Variants in CCDC90B observed in about 807,000 individuals in gnomAD.
CCDC90B encodes the protein coiled-coil domain containing 90B.
Under a neutral mutation model 37.0 loss-of-function variants are expected in CCDC90B, and 24 were observed. That is an observed-to-expected ratio of 0.65 (90% CI 0.47 to 0.91). The LOEUF is 0.91. Ranked by LOEUF, CCDC90B falls within the 40% of genes least tolerant of loss-of-function variation. CCDC90B has a pLI of 0.00. For synonymous variants in CCDC90B, 113 were observed against 101.1 expected (o/e 1.12, Z -0.71); for missense variants, 319 against 299.0 (o/e 1.07, Z -0.49).
rs1436875379 is a variant in CCDC90B at position 83,278,439 on chromosome 11, TTG to T, written c.324+285_324+286del. On this transcript the variant is annotated intron_variant, in intron 3 of 8. Coordinates refer to ENST00000529689, the MANE Select transcript of CCDC90B (RefSeq NM_021825.5). ...TGGTGAGCTTTCTAGAGGGAAAAAGTTGTTTCACAAACAATCTACCACCACTC... is the reference window on the plus strand; with the variant it reads ...TGGTGAGCTTTCTAGAGGGAAAAAGTTTTCACAAACAATCTACCACCACTC... Among the ~76,000 whole-genome samples, 11 of 152,328 alleles carry T rather than the reference TTG, an allele frequency of 7.2e-5. No homozygotes were observed. The East Asian group carries it at 2.1e-3, about 29-fold the overall frequency.
intron 8 of CCDC90B, among the ~76,000 whole-genome samples, chr11:83,263,500 G>A (rs1864054869): frequency 6.6e-6 from 1 of 152,114 alleles, no homozygotes; most frequent in South Asian, 2.1e-4. Flanking sequence ...CATATGCCTG[G>A]TACATTTTAA....
intron 3 of CCDC90B, among the ~76,000 whole-genome samples, chr11:83,276,531 G>A (rs2135644745): frequency 6.6e-6 from 1 of 152,270 alleles, no homozygotes. Flanking sequence ...TGTATTTTTA[G>A]TAGAGACAGG....
In CCDC90B at chr11:83,285,931, G is replaced by C; in HGVS notation, c.42C>G (p.Gly14=). 1 of 1,613,456 alleles carries C rather than the reference G, an allele frequency of 6.2e-7. No homozygotes were observed. The highest frequency in any genetic ancestry group is 8.5e-7 in the Non-Finnish European group (1 of 1,179,826). The change falls in exon 1 of 9, where the codon GGC becomes GGG. Residue 14 remains glycine (G), a synonymous_variant. Transcript: ENST00000529689. The part of the protein sequence containing the change: ...RQAWRLFLSQ[G]RGDRWVSRPR... ...GCCTTGAAACCCAACGATCTCCTCT[G>C]CCTTGGGAGAGAAAGAGCCGCCAAG...
At chr11:83,269,474 G>T (rs1037813496) in intron 7 of CCDC90B, among the ~76,000 whole-genome samples, 3 of 151,990 alleles carry the variant, frequency 2.0e-5, no homozygotes, top group Non-Finnish European at 4.4e-5. Context: ...TGATAAAGGG[G>T]ATATCACCAC....
In CCDC90B at chr11:83,278,821, TG is replaced by T. The variant is rs754907184; in HGVS notation, c.228del (p.Asp76GlufsTer12). 7 of 1,610,480 alleles carry T rather than the reference TG, an allele frequency of 4.3e-6. No homozygotes were observed. Among genetic ancestry groups the T allele is most frequent in the Non-Finnish European group, 5.9e-6 (7 of 1,176,848 alleles). ...LVQDLETHGF[D>X]KTQAETIVSA... is the part of the protein sequence containing the mutation. ...GATACAATTGTTTCTGCTTGTGTTT[TG>T]TCAAATCCTGTAGGCAGCAAATAGG... is the stretch of plus-strand genomic sequence containing the variant. On this transcript the variant is annotated frameshift_variant, in exon 3 of 9. Transcript: ENST00000529689. LOFTEE classifies it high-confidence loss of function.
intron 7 of CCDC90B, among the ~76,000 whole-genome samples, chr11:83,271,112 C>T (rs1003536563): frequency 6.6e-6 from 1 of 152,150 alleles, no homozygotes; most frequent in African/African-American, 2.4e-5. Flanking sequence ...ACACCTTATA[C>T]AAAAATTAAT....
In CCDC90B at chr11:83,280,546, T is replaced by C. The variant is rs575173927; in HGVS notation, c.101-286A>G. On this transcript the variant is annotated intron_variant, in intron 1 of 8. Transcript: ENST00000529689. ...GTAATAAAACACACATCAAATGCTT[T>C]GGTTATCACCACCTCAGCTCTAATT... is the stretch of plus-strand genomic sequence containing the variant. 6.6e-5 allele frequency among the ~76,000 whole-genome samples: 10 copies of C among 152,368 alleles called. No homozygotes were observed. In the South Asian group the frequency reaches 1.9e-3, roughly 28 times the overall value.
intron 3 of CCDC90B, among the ~76,000 whole-genome samples, chr11:83,275,377 T>C (rs971413736): frequency 1.3e-5 from 2 of 152,198 alleles, no homozygotes; most frequent in Non-Finnish European, 2.9e-5. Context: ...CTGTTACAGA[T>C]TGAATATCCC....
At chr11:83,275,640 CT>C (rs1462774337) in intron 3 of CCDC90B, among the ~76,000 whole-genome samples, 1 of 152,092 alleles carries the variant, frequency 6.6e-6, no homozygotes, top group Admixed American at 6.5e-5. Context: ...TTTCTCTATC[CT>C]TTACCAAAAG....
Position 83,274,539 on chromosome 11 carries a change from C to T in CCDC90B, c.426+100G>A. 2.9e-5 allele frequency: 18 copies of T among 626,916 alleles called. No individual in the cohort carries two copies. The South Asian group carries it at 3.2e-4, about 11-fold the overall frequency. The allele number at this position is 626,916 out of a possible 1,614,324, so 38.8% of individuals were successfully genotyped here. On this transcript the variant is annotated intron_variant, in intron 4 of 8. Coordinates refer to ENST00000529689, the MANE Select transcript of CCDC90B (RefSeq NM_021825.5). ...ATCTAAAAACTTATTGTTTACTAAC[C>T]ACATGGAATTATTACTTGGTCTTAT...
At position 83,286,013 on chromosome 11, in the gene CCDC90B, G is replaced by T. The variant is rs1461144925; in HGVS notation, c.-41C>A. 1.3e-6 allele frequency: 2 copies of T among 1,578,882 alleles called. No homozygotes were observed. The highest frequency in any genetic ancestry group is 1.7e-6 in the Non-Finnish European group (2 of 1,162,592). ...CGGTGGGAGGGAGGCGGAAGACGGG[G>T]TAAATCTCGCACAGGCTTTCGGGCA... On this transcript the variant is annotated 5_prime_UTR_variant, in exon 1 of 9. Coordinates refer to ENST00000529689, the MANE Select transcript of CCDC90B (RefSeq NM_021825.5).
At position 83,260,955 on chromosome 11, in the gene CCDC90B, CTT is replaced by C. The variant is rs932092091; in HGVS notation, c.*954_*955del. Reference sequence around the variant, plus strand: ...ATGTAATAAATTTAAGATGGGTTAACTTAAACTACATTAAGAAGCAGGGATAA... The same window carrying C: ...ATGTAATAAATTTAAGATGGGTTAACAAACTACATTAAGAAGCAGGGATAA... On this transcript the variant is annotated 3_prime_UTR_variant, in exon 9 of 9. Transcript: ENST00000529689. 7.9e-5 allele frequency: 12 copies of C among 152,178 alleles called. No homozygotes were observed. The highest frequency in any genetic ancestry group is 2.9e-4 in the African/African-American group (12 of 41,508). The allele number at this position is 152,178 out of a possible 1,614,324, so 9.4% of individuals were successfully genotyped here.
Position 83,286,175 on chromosome 11 carries a change from C to G in CCDC90B, c.-203G>C, listed in dbSNP as rs1381422387. 1 of 1,535,852 alleles carries G rather than the reference C, an allele frequency of 6.5e-7. No homozygotes were observed. Among genetic ancestry groups the G allele is most frequent in the Non-Finnish European group, 8.7e-7 (1 of 1,146,712 alleles). ...ACAGACCCACAGTTCGCGAGCATGG[C>G]TCAGCGCTGCCCCGCTTCTCCCAGC... On this transcript the variant is annotated 5_prime_UTR_variant, in exon 1 of 9. Transcript: ENST00000529689.
intron 7 of CCDC90B, among the ~76,000 whole-genome samples, chr11:83,270,500 C>G (rs1864588100): frequency 6.6e-6 from 1 of 152,164 alleles, no homozygotes; most frequent in South Asian, 2.1e-4. Flanking sequence ...TTCCTATACA[C>G]CATTAACAGA....
intron 1 of CCDC90B, chr11:83,285,420 A>G (rs974646017): frequency 7.0e-6 from 8 of 1,139,632 alleles, no homozygotes; most frequent in Non-Finnish European, 8.7e-6. Flanking sequence ...TCCAGTGAGA[A>G]TAAGGCAGAC....
At chr11:83,283,036 A>C (rs1256035860) in intron 1 of CCDC90B, among the ~76,000 whole-genome samples, 2 of 149,774 alleles carry the variant, frequency 1.3e-5, no homozygotes, top group Admixed American at 1.3e-4. Flanking sequence ...CTTACAGCCT[A>C]CAAAGCCTGA....
At chr11:83,283,770 TGG>T (rs1865527404) in intron 1 of CCDC90B, among the ~76,000 whole-genome samples, 2 of 152,252 alleles carry the variant, frequency 1.3e-5, no homozygotes, top group South Asian at 4.1e-4. Flanking sequence ...GAGATCAGCC[TGG>T]GCAACGTGGG....
chr11:83,273,706 G>A lies in CCDC90B; in HGVS notation c.541-6C>T, dbSNP rs767883740. The A allele has an allele frequency of 8.1e-6, 13 of 1,604,160 alleles. No individual in the cohort carries two copies. The highest frequency in any genetic ancestry group is 1.1e-5 in the Non-Finnish European group (13 of 1,177,064). ...TGCTTTTCTTGATCTGTAAACTATA[G>A]GATATGAAGCAGCAGGAAGTTAAAA... On this transcript the variant is annotated splice_polypyrimidine_tract_variant and splice_region_variant and intron_variant, in intron 6 of 8. Coordinates refer to ENST00000529689, the MANE Select transcript of CCDC90B (RefSeq NM_021825.5).
At chr11:83,264,505 A>G (rs1819328843) in intron 8 of CCDC90B, among the ~76,000 whole-genome samples, 1 of 152,184 alleles carries the variant, frequency 6.6e-6, no homozygotes, top group African/African-American at 2.4e-5. Flanking sequence ...TTCTTTAAGA[A>G]TGTTGAATAT....
Sources: gnomAD v4.1 joint callset for allele counts (sites outside exome capture counted in the v4.1 genomes callset) on GRCh38, gnomAD v4.1.1 for gene constraint, MANE v1.5 for transcripts, NCBI Gene and HGNC (gene_info 2026-07-23, HGNC 2026-07-21) for gene names.